The following EYA2 variants were observed in gnomAD, a reference collection of about 807,000 sequenced individuals.
EYA2 encodes EYA transcriptional coactivator and phosphatase 2, also known as protein phosphatase EYA2.
In EYA2, 31 loss-of-function variants were observed where a neutral mutation model predicts 69.2. That is an observed-to-expected ratio of 0.45 (90% CI 0.34 to 0.60). The LOEUF (loss-of-function observed/expected upper bound fraction) is 0.60, where lower values mean the gene tolerates loss of function less well. Among genes scored for constraint, EYA2 ranks in the 20% least tolerant of loss-of-function variants. The pLI is 0.02. For missense variants in EYA2, 622 were observed against 701.2 expected (o/e 0.89, Z 1.28); for synonymous variants, 257 against 279.4 (o/e 0.92, Z 0.80).
At chr20:46,932,559 T>G (rs1287478983) in intron 1 of EYA2, among the ~76,000 whole-genome samples, 2 of 151,912 alleles carry the variant, frequency 1.3e-5, no homozygotes, top group Non-Finnish European at 2.9e-5. Flanking sequence ...TGATAGTGAG[T>G]GAGTGTTCAT....
intron 13 of EYA2, 68 bp downstream of exon 13, chr20:47,179,980 C>T (rs939587581): frequency 2.8e-6 from 3 of 1,071,956 alleles, no homozygotes; most frequent in Non-Finnish European, 4.3e-6. Flanking sequence ...GTGGCTCCTG[C>T]ATGTCCACAC....
chr20:47,028,861 GCCCTATATACCGGGGTAGCCCCAC>G lies in EYA2; in HGVS notation c.415+12568_415+12591del, dbSNP rs529921838. Among the ~76,000 whole-genome samples the G allele has an allele frequency of 1.4e-4, 21 of 152,184 alleles. No homozygotes were observed. The South Asian group carries it at 4.1e-3, about 30-fold the overall frequency. ...CCCTGTGGCAAACTAAGGAGCCCCA[GCCCTATATACCGGGGTAGCCCCAC>G]CCCATTAAAGCTGGTTATTGCGATG... On this transcript the variant is annotated intron_variant, in intron 5 of 15. Coordinates refer to ENST00000327619, the MANE Select transcript of EYA2 (RefSeq NM_005244.5).
intron 5 of EYA2, among the ~76,000 whole-genome samples, chr20:47,063,564 C>T (rs927921305): frequency 7.2e-5 from 11 of 152,166 alleles, no homozygotes; most frequent in African/African-American, 2.7e-4. Flanking sequence ...TCAGAGGCTA[C>T]TCCCTTTGCA....
chr20:46,921,210 G>A (rs1011986226), intron 1 of EYA2, among the ~76,000 whole-genome samples: 1 of 152,244 alleles, frequency 6.6e-6, no homozygotes, highest in African/African-American at 2.4e-5. Flanking sequence ...GCCGGCCCTC[G>A]CCTCAGAGAG....
chr20:47,186,083 A>C (rs1438514266), intron 15 of EYA2, among the ~76,000 whole-genome samples: 1 of 152,104 alleles, frequency 6.6e-6, no homozygotes, highest in Non-Finnish European at 1.5e-5. Flanking sequence ...CAGCTCTCAA[A>C]AGTAGACACA....
At chr20:47,019,416 T>C (rs1983612553) in intron 5 of EYA2, among the ~76,000 whole-genome samples, 1 of 152,196 alleles carries the variant, frequency 6.6e-6, no homozygotes, top group South Asian at 2.1e-4. Flanking sequence ...CCTTAAGTAT[T>C]TTTTTCAAAC....
intron 1 of EYA2, among the ~76,000 whole-genome samples, chr20:46,923,436 G>A (rs1985271231): frequency 1.3e-5 from 2 of 152,316 alleles, no homozygotes; most frequent in Non-Finnish European, 1.5e-5. Flanking sequence ...ACAGTACCCA[G>A]TTCTAGACTG....
chr20:47,156,183 T>A (rs537267160), intron 10 of EYA2, among the ~76,000 whole-genome samples: 1 of 92,124 alleles, frequency 1.1e-5, no homozygotes, highest in South Asian at 4.5e-4. Flanking sequence ...TATATATATA[T>A]ATTAGCCGGG....
chr20:47,133,478 C>T (rs2033390534), intron 9 of EYA2, among the ~76,000 whole-genome samples: 1 of 152,224 alleles, frequency 6.6e-6, no homozygotes, highest in African/African-American at 2.4e-5. Context: ...TCCACAATAG[C>T]ATGCTGCCTC....
At chr20:47,036,823 A>G (rs1284832471) in intron 5 of EYA2, among the ~76,000 whole-genome samples, 1 of 152,230 alleles carries the variant, frequency 6.6e-6, no homozygotes, top group African/African-American at 2.4e-5. Flanking sequence ...GATCGCCTAA[A>G]TTCAAATCCC....
At chr20:47,155,101 C>T (rs1164021002) in intron 10 of EYA2, among the ~76,000 whole-genome samples, 1 of 151,928 alleles carries the variant, frequency 6.6e-6, no homozygotes, top group Non-Finnish European at 1.5e-5. Flanking sequence ...AGTGATCCAC[C>T]CACTTCAGCC....
In EYA2 at chr20:47,015,067, C is replaced by CAT. The variant is rs531733080; in HGVS notation, c.299-1105_299-1104dup. 1.6e-4 allele frequency among the ~76,000 whole-genome samples: 25 copies of CAT among 152,202 alleles called. No homozygotes were observed. The East Asian group carries it at 4.4e-3, about 27-fold the overall frequency. ...AAAGATGGAATAGATATATACGTTA[C>CAT]ATATATATATTATATACATAAGTTT... On this transcript the variant is annotated intron_variant, in intron 4 of 15. Transcript: ENST00000327619.
chr20:47,177,674 A>G (rs557289566), intron 12 of EYA2, among the ~76,000 whole-genome samples: 23 of 152,350 alleles, frequency 1.5e-4, no homozygotes, highest in African/African-American at 4.3e-4. Flanking sequence ...CCCAGTTTGG[A>G]CACTGGGCTC....
At chr20:47,062,422 G>T (rs1325279730) in intron 5 of EYA2, among the ~76,000 whole-genome samples, 1 of 152,150 alleles carries the variant, frequency 6.6e-6, no homozygotes, top group Non-Finnish European at 1.5e-5. Context: ...CCCCGGTATC[G>T]CAGGCAGGCG....
At chr20:46,997,767 G>T in intron 2 of EYA2, 1 of 152,374 alleles carries the variant, frequency 6.6e-6, no homozygotes, top group Middle Eastern at 3.2e-3. Context: ...CAGCAACAAG[G>T]TTGAGAACAG....
At chr20:47,162,402 A>G (rs942226710) in intron 10 of EYA2, among the ~76,000 whole-genome samples, 1 of 151,688 alleles carries the variant, frequency 6.6e-6, no homozygotes, top group African/African-American at 2.4e-5. Context: ...AATAAATACT[A>G]GTTTCTATCC....
chr20:46,956,415 A>G (rs1748067644), intron 1 of EYA2, among the ~76,000 whole-genome samples: 1 of 152,210 alleles, frequency 6.6e-6, no homozygotes, highest in Non-Finnish European at 1.5e-5. Context: ...TCTCTCACCT[A>G]AGGACCAGTA....
At chr20:47,117,169 C>T (rs1441687942) in intron 9 of EYA2, among the ~76,000 whole-genome samples, 1 of 152,064 alleles carries the variant, frequency 6.6e-6, no homozygotes, top group Non-Finnish European at 1.5e-5. Context: ...CACGCCACCA[C>T]ACCCAGCTAA....
intron 9 of EYA2, among the ~76,000 whole-genome samples, chr20:47,113,920 T>C (rs2032821097): frequency 6.6e-6 from 1 of 152,020 alleles, no homozygotes; most frequent in African/African-American, 2.4e-5. Flanking sequence ...TTCTGGGGTT[T>C]CTTATTTAAA....
Sources: gnomAD v4.1 joint callset for allele counts (sites outside exome capture counted in the v4.1 genomes callset) on GRCh38, gnomAD v4.1.1 for gene constraint, MANE v1.5 for transcripts, NCBI Gene and HGNC (gene_info 2026-07-23, HGNC 2026-07-21) for gene names.